Variants in STAT5B observed in about 807,000 individuals in gnomAD.
STAT5B encodes signal transducer and activator of transcription 5B.
STAT5B carries 21 observed loss-of-function variants against 107.8 expected under a neutral mutation model. The observed-to-expected ratio is 0.19, with a 90% CI of 0.14 to 0.28. STAT5B has a LOEUF of 0.28. Among genes scored for constraint, STAT5B ranks in the 10% least tolerant of loss-of-function variants. The pLI, the probability that STAT5B is intolerant of heterozygous loss-of-function variation, is 1.00. For synonymous variants in STAT5B, 325 were observed against 401.7 expected (o/e 0.81, Z 2.28); for missense variants, 565 against 1,008.2 (o/e 0.56, Z 5.95).
At chr17:42,214,535 G>A in intron 12 of STAT5B, 1 of 985,426 alleles carries the variant, frequency 1.0e-6, no homozygotes, top group Non-Finnish European at 1.2e-6. Context: ...CACACAACTG[G>A]AAGGTAACCC....
At chr17:42,217,113 A>T (rs1598301842) in intron 11 of STAT5B, 47 bp downstream of exon 11, 1 of 1,514,768 alleles carries the variant, frequency 6.6e-7, no homozygotes, top group East Asian at 2.5e-5. Flanking sequence ...AAAGTACACC[A>T]CACACACACA....
At chr17:42,228,609 CAA>C (rs1567664258) in intron 2 of STAT5B, among the ~76,000 whole-genome samples, 1 of 152,068 alleles carries the variant, frequency 6.6e-6, no homozygotes, top group African/African-American at 2.4e-5. Context: ...CAACTAATTT[CAA>C]AAAAGAGGCA....
At chr17:42,235,644 A>C (rs2080350924) in intron 1 of STAT5B, among the ~76,000 whole-genome samples, 2 of 151,994 alleles carry the variant, frequency 1.3e-5, no homozygotes, top group South Asian at 4.1e-4. Flanking sequence ...CGCCCAGCTA[A>C]GTTTTGTATT....
chr17:42,274,516 T>C (rs2080748939), intron 1 of STAT5B, among the ~76,000 whole-genome samples: 1 of 152,312 alleles, frequency 6.6e-6, no homozygotes, highest in East Asian at 1.9e-4. Flanking sequence ...GCCATGTCCA[T>C]TCTAACAACT....
At chr17:42,215,040 C>A (rs2080159829) in intron 12 of STAT5B, among the ~76,000 whole-genome samples, 1 of 152,190 alleles carries the variant, frequency 6.6e-6, no homozygotes, top group Non-Finnish European at 1.5e-5. Flanking sequence ...CCACCGCACC[C>A]AGCCTATGAG....
intron 2 of STAT5B, among the ~76,000 whole-genome samples, chr17:42,228,257 T>C (rs867235203): frequency 6.6e-6 from 1 of 152,328 alleles, no homozygotes; most frequent in Middle Eastern, 3.4e-3. Context: ...TTCATGTCAC[T>C]AGTTGCAGAC....
At chr17:42,234,326 G>A (rs895195558) in intron 1 of STAT5B, 2 of 152,078 alleles carry the variant, frequency 1.3e-5, no homozygotes, top group African/African-American at 2.4e-5. Context: ...ATTATTTAGG[G>A]CTTTTAGGCA....
intron 1 of STAT5B, among the ~76,000 whole-genome samples, chr17:42,255,170 A>G (rs1281886516): frequency 6.6e-6 from 1 of 152,204 alleles, no homozygotes; most frequent in Admixed American, 6.5e-5. Flanking sequence ...CCCTGTGGAG[A>G]GTATGTCTCA....
chr17:42,209,475 CAAT>C, intron 15 of STAT5B, among the ~76,000 whole-genome samples: 1 of 152,266 alleles, frequency 6.6e-6, no homozygotes, highest in Non-Finnish European at 1.5e-5. Flanking sequence ...CCCGTAATCC[CAAT>C]ACTTTGGGAA....
At chr17:42,210,534 G>C (rs1372680950) in intron 13 of STAT5B, 37 bp from the exon 14 acceptor site, 1 of 1,532,984 alleles carries the variant, frequency 6.5e-7, no homozygotes, top group Non-Finnish European at 9.0e-7. Flanking sequence ...AAGAACACCA[G>C]AGTAACACTT....
At position 42,223,428 on chromosome 17, in the gene STAT5B, A is replaced by G; in HGVS notation, c.504T>C (p.Thr168=). ...TENELKKLQQ[T]QEYFIIQYQE... is the part of the protein sequence containing the mutation. ...GGTACTGGATGATGAAGTACTCCTG[A>G]GTCTGCTGCAGCTTTTTTAACTCAT... The change falls in exon 5 of 19, where the codon ACT becomes ACC. Residue 168 remains threonine (T), a synonymous_variant. Coordinates refer to ENST00000293328, the MANE Select transcript of STAT5B (RefSeq NM_012448.4). 6.2e-7 allele frequency: 1 copy of G among 1,614,136 alleles called. No homozygotes were observed. Among genetic ancestry groups the G allele is most frequent in the Non-Finnish European group, 8.5e-7 (1 of 1,180,032 alleles).
intron 1 of STAT5B, among the ~76,000 whole-genome samples, chr17:42,264,203 T>A (rs2080646129): frequency 6.6e-6 from 1 of 152,128 alleles, no homozygotes; most frequent in African/African-American, 2.4e-5. Flanking sequence ...AAATCTTTTT[T>A]TTTTAATTTA....
chr17:42,246,412 T>A (rs760873288), intron 1 of STAT5B, among the ~76,000 whole-genome samples: 19 of 152,168 alleles, frequency 1.2e-4, no homozygotes, highest in African/African-American at 3.9e-4. Flanking sequence ...AAATTTTTTT[T>A]AAAATGCAAT....
intron 15 of STAT5B, 91 bp downstream of exon 15, chr17:42,210,080 A>C: frequency 1.3e-6 from 2 of 1,586,724 alleles, no homozygotes; most frequent in South Asian, 2.2e-5. Flanking sequence ...TACTGACCTC[A>C]ACAAATAGTA....
chr17:42,263,002 A>G lies in STAT5B; in HGVS notation c.-11+13246T>C, dbSNP rs1358958866. Among the ~76,000 whole-genome samples the G allele has an allele frequency of 4.2e-5, 2 of 47,092 alleles. 1 individual carries two copies. Among genetic ancestry groups the G allele is most frequent in the Non-Finnish European group, 7.7e-5 (2 of 25,876 alleles). 30.9% of individuals were successfully genotyped at this position (47,092 alleles called of 152,430 possible). On this transcript the variant is annotated intron_variant, in intron 1 of 18. Transcript: ENST00000293328. The stretch of plus-strand genomic sequence containing the variant: ...TATATATATATATATATATATATAT[A>G]TATATATATATATAAAAAAACAAAA...
intron 1 of STAT5B, among the ~76,000 whole-genome samples, chr17:42,262,796 ATG>A (rs1287086407): frequency 2.7e-5 from 3 of 109,772 alleles, no homozygotes; most frequent in African/African-American, 4.1e-5. Flanking sequence ...ACACATATAT[ATG>A]TGTGTATATA....
At position 42,266,557 on chromosome 17, in the gene STAT5B, A is replaced by T. The variant is rs570711132; in HGVS notation, c.-11+9691T>A. 1.9e-4 allele frequency among the ~76,000 whole-genome samples: 29 copies of T among 151,962 alleles called. No individual in the cohort carries two copies. In the South Asian group the frequency reaches 2.1e-3, roughly 11 times the overall value. On this transcript the variant is annotated intron_variant, in intron 1 of 18. Transcript: ENST00000293328. The stretch of plus-strand genomic sequence containing the variant: ...ACTGTCTCAAAAAATAAAAAAAAAA[A>T]AAAAAAAATCATTCCCTTAAAATTA...
At chr17:42,227,728 T>C in intron 2 of STAT5B, 43 bp from the exon 3 acceptor site, 1 of 1,597,074 alleles carries the variant, frequency 6.3e-7, no homozygotes, top group Non-Finnish European at 8.6e-7. Context: ...TACATGCACG[T>C]GAGCCTGTAT....
In STAT5B at chr17:42,212,151, G is replaced by C. The variant is rs1598298706; in HGVS notation, c.1513C>G (p.Pro505Ala). 1 of 1,614,124 alleles carries C rather than the reference G, an allele frequency of 6.2e-7. No homozygotes were observed. The change falls in exon 13 of 19, where the codon CCA becomes GCA. Residue 505 changes from proline to alanine, a missense_variant. Physicochemically the swap from Pro to Ala is conservative, Grantham distance 27. Coordinates refer to ENST00000293328, the MANE Select transcript of STAT5B (RefSeq NM_012448.4). The stretch of plus-strand genomic sequence containing the variant: ...ATGTTGAGCGCCTCACACAGCTGTG[G>C]CCACAGCACTTTGTCAGGCACGGCA... ...PFAVPDKVLW[P>A]QLCEALNMKF...
Sources: gnomAD v4.1 joint callset for allele counts (sites outside exome capture counted in the v4.1 genomes callset) on GRCh38, gnomAD v4.1.1 for gene constraint, MANE v1.5 for transcripts, NCBI Gene and HGNC (gene_info 2026-07-23, HGNC 2026-07-21) for gene names.